Variants in REPS1 observed in about 807,000 individuals in gnomAD.
The protein encoded by REPS1 is RALBP1 associated Eps domain containing 1, also known as ralBP1-associated Eps domain-containing protein 1.
REPS1 carries 39 observed loss-of-function variants against 100.9 expected under a neutral mutation model. That is an observed-to-expected ratio of 0.39 (90% CI 0.30 to 0.50). The LOEUF is 0.50. Ranked by LOEUF, REPS1 falls within the 20% of genes least tolerant of loss-of-function variation. The pLI, the probability that REPS1 is intolerant of heterozygous loss-of-function variation, is 0.86. For synonymous variants in REPS1, 324 were observed against 340.3 expected, an observed-to-expected ratio of 0.95 and a Z score of 0.53; for missense variants, 821 against 968.5, an observed-to-expected ratio of 0.85 and a Z score of 2.02.
At chr6:138,938,636 GA>G (rs1394721172) in intron 8 of REPS1, among the ~76,000 whole-genome samples, 15 of 151,122 alleles carry the variant, frequency 9.9e-5, no homozygotes, top group Admixed American at 4.6e-4. Context: ...AGTGATGGGG[GA>G]AAAAAAACAA....
intron 1 of REPS1, among the ~76,000 whole-genome samples, chr6:138,980,045 C>G (rs1322990041): frequency 3.3e-5 from 5 of 152,160 alleles, no homozygotes; most frequent in Non-Finnish European, 7.3e-5. Flanking sequence ...ACAATCCCCC[C>G]CAAAATCCAC....
In REPS1 at chr6:138,947,836, A is replaced by C. The variant is rs1303741446; in HGVS notation, c.231T>G (p.Ala77=). The C allele has an allele frequency of 1.9e-6, 3 of 1,611,336 alleles. No individual in the cohort carries two copies. Among genetic ancestry groups the C allele is most frequent in the Non-Finnish European group, 2.5e-6 (3 of 1,178,870 alleles). The change falls in exon 2 of 20, where the codon GCT becomes GCG. Residue 77 remains alanine, a synonymous_variant. Coordinates refer to ENST00000450536, the MANE Select transcript of REPS1 (RefSeq NM_001286611.2). ...TTAAAGGGAAACCAGACTGGGCAAC[A>C]GCTACAAGTTTCAAAGCAATGTAGA... The part of the protein sequence containing the change: ...SQFYIALKLV[A]VAQSGFPLRV...
intron 2 of REPS1, among the ~76,000 whole-genome samples, chr6:138,946,306 T>C (rs994886577): frequency 2.0e-5 from 3 of 152,244 alleles, no homozygotes; most frequent in Non-Finnish European, 2.9e-5. Flanking sequence ...GTAGTCTGGC[T>C]TATGTTTCTC....
intron 8 of REPS1, among the ~76,000 whole-genome samples, chr6:138,930,555 G>C (rs928083066): frequency 2.0e-5 from 3 of 152,104 alleles, no homozygotes; most frequent in Admixed American, 6.5e-5. Flanking sequence ...ATCAAGACTT[G>C]TGATGTCTCA....
chr6:138,956,461 C>A (rs1269272292), intron 1 of REPS1, among the ~76,000 whole-genome samples: 1 of 151,782 alleles, frequency 6.6e-6, no homozygotes, highest in Non-Finnish European at 1.5e-5. Context: ...AGACCCTACC[C>A]TCCAAACAAA....
chr6:138,922,467 G>C (rs1462110419), intron 10 of REPS1, among the ~76,000 whole-genome samples: 3 of 152,148 alleles, frequency 2.0e-5, no homozygotes, highest in Non-Finnish European at 4.4e-5. Flanking sequence ...TAAAGGAATT[G>C]ATAATAAAGA....
Position 138,955,741 on chromosome 6 carries a change from C to G in REPS1, c.154-7828G>C, listed in dbSNP as rs372474123. ...AACTAGACTGTAGTTCACTTAACACCTGTACAGATCAACATGGCTAGGAAA... is the reference window on the plus strand; with the variant it reads ...AACTAGACTGTAGTTCACTTAACACGTGTACAGATCAACATGGCTAGGAAA... On this transcript the variant is annotated intron_variant, in intron 1 of 19. Coordinates refer to ENST00000450536, the MANE Select transcript of REPS1 (RefSeq NM_001286611.2). Among the ~76,000 whole-genome samples the G allele has an allele frequency of 5.9e-5, 9 of 152,180 alleles. No homozygotes were observed. The South Asian group carries it at 1.7e-3, about 28-fold the overall frequency.
At chr6:138,982,673 C>A (rs1461422648) in intron 1 of REPS1, among the ~76,000 whole-genome samples, 1 of 152,164 alleles carries the variant, frequency 6.6e-6, no homozygotes, top group African/African-American at 2.4e-5. Flanking sequence ...TTTTCTCCCC[C>A]TCATCTTGCT....
rs71013004 is a variant in REPS1 at position 138,969,269 on chromosome 6, A to ATTTTTTTT, written c.153+18253_153+18260dup. On this transcript the variant is annotated intron_variant, in intron 1 of 19. Transcript: ENST00000450536. The stretch of plus-strand genomic sequence containing the variant: ...ACACAATCTATGATACAAAGCTGTA[A>ATTTTTTTT]TTTTTTTTTTTTTTTTTTTTTTTTT... Among the ~76,000 whole-genome samples the ATTTTTTTT allele has an allele frequency of 4.1e-3, 306 of 74,224 alleles. 37 individuals carry two copies. The highest frequency in any genetic ancestry group is 0.013 in the African/African-American group (281 of 20,874). 48.7% of individuals were successfully genotyped at this position (74,224 alleles called of 152,430 possible). A position where few individuals can be genotyped will look rare whatever the true frequency, so the allele number is the denominator to read the frequency against.
rs910120418 is a variant in REPS1 at position 138,930,357 on chromosome 6, T to C, written c.1136-259A>G. Among the ~76,000 whole-genome samples, 7 of 152,274 alleles carry C rather than the reference T, an allele frequency of 4.6e-5. No homozygotes were observed. The East Asian group carries it at 7.7e-4, about 17-fold the overall frequency. On this transcript the variant is annotated intron_variant, in intron 8 of 19. Coordinates refer to ENST00000450536, the MANE Select transcript of REPS1 (RefSeq NM_001286611.2). ...AAAAAGAAGGTTATACATAATAATA[T>C]TGCAATAGGTCACATGCTTTAAAAT...
chr6:138,906,688 T>C (rs1779674748), intron 19 of REPS1, among the ~76,000 whole-genome samples: 1 of 152,230 alleles, frequency 6.6e-6, no homozygotes, highest in Non-Finnish European at 1.5e-5. Context: ...TCTCATCTCA[T>C]CTTTGTTCTA....
chr6:138,970,260 G>A (rs561545046), intron 1 of REPS1, among the ~76,000 whole-genome samples: 47 of 152,114 alleles, frequency 3.1e-4, no homozygotes, highest in Non-Finnish European at 6.2e-4. Flanking sequence ...AAGTTGGATA[G>A]ATGGAAAAGA....
chr6:138,956,385 AGGGATGGGACTG>A (rs1300328818), intron 1 of REPS1, among the ~76,000 whole-genome samples: 3 of 152,096 alleles, frequency 2.0e-5, no homozygotes, highest in Non-Finnish European at 4.4e-5. Context: ...AGGTATGACT[AGGGATGGGACTG>A]GGACAGAGAA....
intron 8 of REPS1, among the ~76,000 whole-genome samples, chr6:138,939,852 C>T (rs768606568): frequency 2.0e-5 from 3 of 149,362 alleles, no homozygotes; most frequent in Non-Finnish European, 2.9e-5. Context: ...CAGAGGCTGA[C>T]GCTTCACAAC....
At position 138,926,393 on chromosome 6, in the gene REPS1, T is replaced by C. The variant is rs372306735; in HGVS notation, c.1338+8A>G. The C allele has an allele frequency of 4.4e-6, 7 of 1,599,386 alleles. No homozygotes were observed. Among genetic ancestry groups the C allele is most frequent in the Non-Finnish European group, 6.0e-6 (7 of 1,167,488 alleles). ...ATCTCAAACAAGCAAGCTAAGTGAT[T>C]GACTTACAGGATCAGCTGGTGCAAT... On this transcript the variant is annotated splice_region_variant and intron_variant, in intron 10 of 19. Coordinates refer to ENST00000450536, the MANE Select transcript of REPS1 (RefSeq NM_001286611.2).
intron 1 of REPS1, among the ~76,000 whole-genome samples, chr6:138,973,741 C>A (rs1298123716): frequency 6.6e-6 from 1 of 151,902 alleles, no homozygotes; most frequent in Non-Finnish European, 1.5e-5. Flanking sequence ...ACTGTATCCA[C>A]TTCAGATCAT....
intron 1 of REPS1, among the ~76,000 whole-genome samples, chr6:138,986,758 G>A (rs1050659679): frequency 6.8e-6 from 1 of 146,340 alleles, no homozygotes; most frequent in African/African-American, 2.6e-5. Context: ...GAACTTCTAG[G>A]AAGTCCTCTG....
chr6:138,942,444 T>C (rs1231916697), intron 7 of REPS1, among the ~76,000 whole-genome samples: 1 of 152,096 alleles, frequency 6.6e-6, no homozygotes. Flanking sequence ...CTGATAATCG[T>C]TTTTTATTTA....
rs181564897 is a variant in REPS1, at chr6:138,915,613, C to T, written c.1720+245G>A. 2.6e-4 allele frequency among the ~76,000 whole-genome samples: 39 copies of T among 151,932 alleles called. No homozygotes were observed. In the East Asian group the frequency reaches 6.8e-3, roughly 26 times the overall value. On this transcript the variant is annotated intron_variant, in intron 14 of 19. Transcript: ENST00000450536. The stretch of plus-strand genomic sequence containing the variant: ...GACCACAGACATGCATCACTACATC[C>T]GGCTAATTTTTGTATTTTTAGTAGA...
Sources: allele counts gnomAD v4.1 joint callset (sites outside exome capture counted in the v4.1 genomes callset), GRCh38; gene constraint gnomAD v4.1.1; transcripts MANE v1.5; gene names NCBI Gene and HGNC (gene_info 2026-07-23, HGNC 2026-07-21).